Variants in FILIP1L observed in about 807,000 individuals in gnomAD.
The protein encoded by FILIP1L is filamin A-interacting protein 1-like.
FILIP1L carries 55 observed loss-of-function variants against 96.6 expected under a neutral mutation model. That is an observed-to-expected ratio of 0.57 (90% CI 0.46 to 0.71). The LOEUF (loss-of-function observed/expected upper bound fraction) is 0.71, where lower values mean the gene tolerates loss of function less well. FILIP1L is among the 30% of genes least tolerant of loss of function. The probability of loss-of-function intolerance (pLI) is 0.00; values close to 1 mark genes in which losing one functional copy is unlikely to be tolerated. For synonymous variants in FILIP1L, 467 were observed against 473.9 expected, an observed-to-expected ratio of 0.99 and a Z score of 0.19; for missense variants, 1,304 against 1,321.2, an observed-to-expected ratio of 0.99 and a Z score of 0.20.
chr3:100,105,548 A>T (rs138646977), intron 1 of FILIP1L, among the ~76,000 whole-genome samples: 230 of 152,312 alleles, frequency 1.5e-3, no homozygotes, highest in Non-Finnish European at 2.7e-3. Context: ...GGGCTATAAG[A>T]TTAACCGAAA....
At chr3:100,048,427 A>G (rs556204064) in intron 1 of FILIP1L, among the ~76,000 whole-genome samples, 1 of 152,262 alleles carries the variant, frequency 6.6e-6, no homozygotes, top group Non-Finnish European at 1.5e-5. Flanking sequence ...GAGGAAGAGT[A>G]GAGCCAGCTC....
chr3:100,002,780 G>T (rs1319546438), intron 1 of FILIP1L, among the ~76,000 whole-genome samples: 1 of 152,144 alleles, frequency 6.6e-6, no homozygotes, highest in Non-Finnish European at 1.5e-5. Flanking sequence ...CTTAGACCAG[G>T]TGGCTTGATC....
chr3:100,092,600 A>C (rs938142700), intron 1 of FILIP1L, among the ~76,000 whole-genome samples: 2 of 150,110 alleles, frequency 1.3e-5, no homozygotes, highest in African/African-American at 4.9e-5. Flanking sequence ...GCCACTAGTT[A>C]TGAGGGTTAA....
chr3:99,948,213 G>A (rs1708067221), intron 1 of FILIP1L, among the ~76,000 whole-genome samples: 1 of 152,070 alleles, frequency 6.6e-6, no homozygotes, highest in Admixed American at 6.6e-5. Context: ...ATGGAGAGAA[G>A]AACCAAAGTT....
intron 4 of FILIP1L, among the ~76,000 whole-genome samples, chr3:99,906,088 G>A (rs1002226553): frequency 3.3e-5 from 5 of 152,090 alleles, no homozygotes; most frequent in South Asian, 2.1e-4. Flanking sequence ...AGCTACCTGC[G>A]GGGGCTGAGG....
At chr3:100,004,736 G>T (rs9833888) in intron 1 of FILIP1L, among the ~76,000 whole-genome samples, 28,112 of 152,124 alleles carry the variant, frequency 0.18, 2,936 homozygotes, top group South Asian at 0.25. Flanking sequence ...TAAAAGGTAG[G>T]ATTGGTGGGT....
At chr3:99,959,453 T>G (rs1219678826) in intron 1 of FILIP1L, among the ~76,000 whole-genome samples, 2 of 152,224 alleles carry the variant, frequency 1.3e-5, no homozygotes, top group Non-Finnish European at 2.9e-5. Flanking sequence ...CCTGGCCATT[T>G]TCCTCAAACT....
At chr3:99,984,804 A>T (rs942364902) in intron 1 of FILIP1L, among the ~76,000 whole-genome samples, 4 of 152,306 alleles carry the variant, frequency 2.6e-5, no homozygotes, top group South Asian at 4.1e-4. Flanking sequence ...AAAATCAAGG[A>T]TCATATTCAG....
intron 1 of FILIP1L, among the ~76,000 whole-genome samples, chr3:99,956,626 C>T (rs775082736): frequency 6.6e-6 from 1 of 152,202 alleles, no homozygotes; most frequent in African/African-American, 2.4e-5. Context: ...GGATTAAAGG[C>T]GTGAGCCCCC....
chr3:99,919,933 T>C (rs969113221), intron 4 of FILIP1L, among the ~76,000 whole-genome samples: 4 of 152,222 alleles, frequency 2.6e-5, no homozygotes, highest in Non-Finnish European at 5.9e-5. Flanking sequence ...TTCTATCTAG[T>C]CAAACTTGGA....
chr3:100,037,238 T>C (rs934709231), intron 1 of FILIP1L, among the ~76,000 whole-genome samples: 2 of 152,162 alleles, frequency 1.3e-5, no homozygotes, highest in African/African-American at 4.8e-5. Context: ...TTGTAATATT[T>C]AGAGGCAAAG....
chr3:99,837,069 C>A (rs998040999), intron 5 of FILIP1L, among the ~76,000 whole-genome samples: 4 of 152,198 alleles, frequency 2.6e-5, no homozygotes, highest in Non-Finnish European at 4.4e-5. Context: ...TCCTTAGAAG[C>A]TATAATCAGC....
intron 4 of FILIP1L, among the ~76,000 whole-genome samples, chr3:99,882,945 G>A (rs1343139963): frequency 6.6e-6 from 1 of 152,186 alleles, no homozygotes; most frequent in African/African-American, 2.4e-5. Flanking sequence ...TAATGGAGAT[G>A]TCTGAACTTT....
intron 5 of FILIP1L, among the ~76,000 whole-genome samples, chr3:99,832,559 A>AG (rs1301106626): frequency 9.0e-5 from 9 of 99,718 alleles, no homozygotes; most frequent in Non-Finnish European, 1.6e-4. Flanking sequence ...AAAAAAAAAA[A>AG]AGGCCTAGCG....
intron 1 of FILIP1L, among the ~76,000 whole-genome samples, chr3:99,988,534 AG>A (rs1334887827): frequency 1.3e-5 from 2 of 150,692 alleles, no homozygotes; most frequent in African/African-American, 4.9e-5. Flanking sequence ...AAAAAAAGAA[AG>A]AAAAGGAAAA....
intron 1 of FILIP1L, among the ~76,000 whole-genome samples, chr3:100,100,784 G>A (rs2066290329): frequency 6.6e-6 from 1 of 152,202 alleles, no homozygotes. Context: ...CGCAAGGTTA[G>A]TATCGCCTTG....
chr3:100,028,507 C>T (rs536324196), intron 1 of FILIP1L, among the ~76,000 whole-genome samples: 9 of 152,148 alleles, frequency 5.9e-5, no homozygotes, highest in Non-Finnish European at 1.2e-4. Context: ...ATTTAATTCA[C>T]GTTGGAGAAT....
At chr3:99,948,626 G>A (rs1708083503) in intron 1 of FILIP1L, among the ~76,000 whole-genome samples, 1 of 148,122 alleles carries the variant, frequency 6.8e-6, no homozygotes, top group Non-Finnish European at 1.5e-5. Flanking sequence ...AGAGAGAGAG[G>A]AAGGAGGAGG....
rs1480222620 is a variant in FILIP1L at position 99,843,660 on chromosome 3, CAG to C, written c.3381+4633_3381+4634del. Reference sequence around the variant, plus strand: ...TTGCCTAGCCCACCTTAAACATGCTCAGAGAACACTTACATAAATCTACAATT... The same window carrying C: ...TTGCCTAGCCCACCTTAAACATGCTCAGAACACTTACATAAATCTACAATT... On this transcript the variant is annotated intron_variant, in intron 5 of 5. Coordinates refer to ENST00000477258, the MANE Select transcript of FILIP1L (RefSeq NM_001387850.1). Among the ~76,000 whole-genome samples, 5 of 152,138 alleles carry C rather than the reference CAG, an allele frequency of 3.3e-5. 1 individual carries two copies. In the South Asian group the frequency reaches 8.3e-4, roughly 25 times the overall value.
Sources: allele counts gnomAD v4.1 joint callset (sites outside exome capture counted in the v4.1 genomes callset), GRCh38; gene constraint gnomAD v4.1.1; transcripts MANE v1.5; gene names NCBI Gene and HGNC (gene_info 2026-07-23, HGNC 2026-07-21).